Variants in NOTCH1 observed in about 807,000 individuals in gnomAD.
The protein encoded by NOTCH1 is neurogenic locus notch homolog protein 1.
Under a neutral mutation model 254.8 loss-of-function variants are expected in NOTCH1, and 37 were observed. The ratio of observed to expected loss-of-function variants is 0.15; its 90% CI spans 0.11 to 0.19. The LOEUF (loss-of-function observed/expected upper bound fraction) is 0.19, where lower values mean the gene tolerates loss of function less well. Among genes scored for constraint, NOTCH1 ranks in the 10% least tolerant of loss-of-function variants. The probability of loss-of-function intolerance (pLI) is 1.00; values close to 1 mark genes in which losing one functional copy is unlikely to be tolerated. For missense variants in NOTCH1, 2,972 were observed against 3,708.6 expected (o/e 0.80, Z 5.16); for synonymous variants, 1,731 against 1,618.1 (o/e 1.07, Z -1.68).
At chr9:136,525,416 G>A (rs941171680) in intron 2 of NOTCH1, among the ~76,000 whole-genome samples, 3 of 152,220 alleles carry the variant, frequency 2.0e-5, no homozygotes, top group Admixed American at 6.5e-5. Flanking sequence ...GGGACCCGCC[G>A]GGCGCCGCTC....
rs1245612765 is a variant in NOTCH1, at chr9:136,496,005, CCA to C, written c.*64_*65del. The C allele has an allele frequency of 2.6e-6, 4 of 1,533,820 alleles. No homozygotes were observed. Among genetic ancestry groups the C allele is most frequent in the African/African-American group, 1.3e-5 (1 of 74,260 alleles). ...AGGCTCCTCTGGTCGGCCCTGGCAT[CCA>C]CAGAGCGCACACAGACGCCCGAAGG... is the stretch of plus-strand genomic sequence containing the variant. On this transcript the variant is annotated 3_prime_UTR_variant, in exon 34 of 34. Coordinates refer to ENST00000651671, the MANE Select transcript of NOTCH1 (RefSeq NM_017617.5).
Position 136,513,892 on chromosome 9 carries a change from G to A in NOTCH1, c.2208-355C>T, listed in dbSNP as rs1252443210. Among the ~76,000 whole-genome samples the A allele has an allele frequency of 1.3e-5, 2 of 152,212 alleles. No individual in the cohort carries two copies. Among genetic ancestry groups the A allele is most frequent in the Non-Finnish European group, 2.9e-5 (2 of 68,022 alleles). ...TGAGGCAGGGGAATCACTTGAACCT[G>A]AGGGGTGGAGGTTGCAGTGAGCTGA... On this transcript the variant is annotated intron_variant, in intron 13 of 33. Coordinates refer to ENST00000651671, the MANE Select transcript of NOTCH1 (RefSeq NM_017617.5). This position sits in a 1 kb window ranked among gnomAD's most constrained non-coding sequence, Gnocchi z 4.7.
Position 136,505,790 on chromosome 9 carries a change from C to A in NOTCH1, c.4106G>T (p.Ser1369Ile). The A allele has an allele frequency of 6.3e-7, 1 of 1,582,348 alleles. No homozygotes were observed. ...GGGGCCCAGGCACAGGCAGGTGGGG[C>A]TGCGCGGGCCGGAGATGCATGTGCC... Reference protein sequence around the residue: ...NGGTCISGPRSPTCLCLGPFT... With the variant: ...NGGTCISGPRIPTCLCLGPFT... The change falls in exon 25 of 34, where the codon AGC becomes ATC. Residue 1369 changes from serine (S) to isoleucine (I), a missense_variant. By Grantham distance (142) the Ser-to-Ile change is moderately radical (BLOSUM62 -2). Transcript: ENST00000651671.
At position 136,545,619 on chromosome 9, in the gene NOTCH1, C is replaced by T. The variant is rs1390320661; in HGVS notation, c.61+107G>A. On this transcript the variant is annotated intron_variant, in intron 1 of 33. Coordinates refer to ENST00000651671, the MANE Select transcript of NOTCH1 (RefSeq NM_017617.5). This position sits in a 1 kb window ranked among gnomAD's most constrained non-coding sequence, Gnocchi z 6.8. ...GGCCGCCCGCTTTTCCCTCTCCATG[C>T]TGGCCTCCCCGCCGCCCGCTCCCAG... 3.3e-6 allele frequency: 3 copies of T among 917,768 alleles called. No individual in the cohort carries two copies. The highest frequency in any genetic ancestry group is 1.8e-5 in the African/African-American group (1 of 55,720). The allele number at this position is 917,768 out of a possible 1,614,324, so 56.9% of individuals were successfully genotyped here.
rs3124593 is a variant in NOTCH1, at chr9:136,498,723, A to G, written c.6180+176T>C. ...GGCTCCATAAACGGGGGCTGAAGGA[A>G]GGCAGGAGCACTAACGAGGTGCCCG... is the stretch of plus-strand genomic sequence containing the variant. On this transcript the variant is annotated intron_variant, in intron 33 of 33. Coordinates refer to ENST00000651671, the MANE Select transcript of NOTCH1 (RefSeq NM_017617.5). Among the ~76,000 whole-genome samples, 106,695 of 152,156 alleles carry G rather than the reference A, an allele frequency of 0.7. 39,187 individuals are homozygous for G. Among genetic ancestry groups the G allele is most frequent in the East Asian group, 0.95 (4,912 of 5,176 alleles).
Position 136,513,163 on chromosome 9 carries a change from G to A in NOTCH1, c.2354-29C>T, listed in dbSNP as rs1431241373. 6.3e-7 allele frequency: 1 copy of A among 1,577,066 alleles called. No individual in the cohort carries two copies. Among genetic ancestry groups the A allele is most frequent in the Admixed American group, 1.7e-5 (1 of 59,946 alleles). On this transcript the variant is annotated intron_variant, in intron 14 of 33. Coordinates refer to ENST00000651671, the MANE Select transcript of NOTCH1 (RefSeq NM_017617.5). The surrounding 1 kb of genome is among the most constrained non-coding windows in gnomAD (Gnocchi z 4.7). ...GAGGGAAGGGGACAGCACTCGGCAT[G>A]TCCAGCACTCCCAGGCACCTTGGCA...
intron 2 of NOTCH1, chr9:136,543,775 C>G (rs1843767739): frequency 1.6e-6 from 1 of 606,252 alleles, no homozygotes; most frequent in African/African-American, 1.8e-5. Context: ...ACTTAGTGAC[C>G]CCGGAGCCTG....
intron 29 of NOTCH1, 34 bp downstream of exon 29, chr9:136,501,967 G>GGGAGCCCA (rs1161239423): frequency 6.2e-7 from 1 of 1,611,576 alleles, no homozygotes. Flanking sequence ...GCAGGTGCCC[G>GGGAGCCCA]GGAGCCCAGG....
At chr9:136,535,561 T>G (rs11145772) in intron 2 of NOTCH1, among the ~76,000 whole-genome samples, 612 of 4,376 alleles carry the variant, frequency 0.14, 15 homozygotes, top group East Asian at 0.21. Context: ...AATGGGTGCA[T>G]GGTGGGTGGA....
Position 136,504,995 on chromosome 9 carries a change from G to A in NOTCH1, c.4696C>T (p.Pro1566Ser), listed in dbSNP as rs868811731. Residue 1566 changes from proline to serine, a missense_variant, in exon 26 of 34, where the codon CCC becomes TCC. Coordinates refer to ENST00000651671, the MANE Select transcript of NOTCH1 (RefSeq NM_017617.5). ...AGCGTGCCGGCCGCCAGCCTCTCGG[G>A]TACATGCTCCGCACAGTCCAGCCCG... ...WDGLDCAEHV[P>S]ERLAAGTLVV... 7 of 1,599,530 alleles carry A rather than the reference G, an allele frequency of 4.4e-6. No homozygotes were observed. Among genetic ancestry groups the A allele is most frequent in the Middle Eastern group, 1.6e-4 (1 of 6,072 alleles).
chr9:136,501,016 C>A (rs1842986869), intron 30 of NOTCH1, among the ~76,000 whole-genome samples, 169 bp from the exon 31 acceptor site: 1 of 152,232 alleles, frequency 6.6e-6, no homozygotes, highest in South Asian at 2.1e-4. Context: ...TCCGCCTGGG[C>A]TGCTCAGTGG....
At chr9:136,527,650 G>A (rs1843485802) in intron 2 of NOTCH1, among the ~76,000 whole-genome samples, 1 of 152,190 alleles carries the variant, frequency 6.6e-6, no homozygotes, top group African/African-American at 2.4e-5. Context: ...CAGCTCTCGG[G>A]CTCCCACGGA....
rs773621396 is a variant in NOTCH1 at position 136,498,989 on chromosome 9, G to A, written c.6090C>T (p.Ser2030=). The A allele has an allele frequency of 3.7e-5, 59 of 1,613,212 alleles. No homozygotes were observed. In the Middle Eastern group the frequency reaches 6.6e-4, roughly 18 times the overall value. ...DVNAVDDLGK[S]ALHWAAAVNN... ...TCACGGCGGCGGCCCAGTGCAGGGC[G>A]GACTTGCCTGCGTGAAAGAAGCAGA... Residue 2030 remains serine (S), a synonymous_variant, in exon 33 of 34, where the codon TCC becomes TCT. Transcript: ENST00000651671.
At chr9:136,543,690 A>T (rs929414395) in intron 2 of NOTCH1, 1 of 462,056 alleles carries the variant, frequency 2.2e-6, no homozygotes, top group African/African-American at 2.0e-5. Context: ...CCTCTCAGTA[A>T]ATGGTCCAGA....
At chr9:136,501,596 G>T (rs987445955) in intron 30 of NOTCH1, 152 bp downstream of exon 30, 1 of 934,768 alleles carries the variant, frequency 1.1e-6, no homozygotes, top group Non-Finnish European at 1.6e-6. Context: ...ACCCCCCCAC[G>T]TCTACTCTGA....
rs199672693 is a variant in NOTCH1, at chr9:136,513,129, T to G, written c.2359A>C (p.Asn787His). 84 of 1,612,612 alleles carry G rather than the reference T, an allele frequency of 5.2e-5. 1 individual carries two copies. In the South Asian group the frequency reaches 8.5e-4, roughly 16 times the overall value. The stretch of plus-strand genomic sequence containing the variant: ...CACTCGTTGATGTTGGTCTGGCAGT[T>G]GGGACCTGGAGGGAAGGGGACAGCA... ...CTCREGFSGP[N>H]CQTNINECAS... The change falls in exon 15 of 34, where the codon AAC becomes CAC. Residue 787 changes from asparagine to histidine, a missense_variant. By Grantham distance (68) the Asn-to-His change is moderately conservative. Around this residue, in one of 8 missense-constraint regions of NOTCH1, gnomAD observed 1,343 missense variants for 1,557.0 expected, o/e 0.86. Coordinates refer to ENST00000651671, the MANE Select transcript of NOTCH1 (RefSeq NM_017617.5). The surrounding 1 kb of genome is among the most constrained non-coding windows in gnomAD (Gnocchi z 4.7).
chr9:136,522,977 G>A lies in NOTCH1; in HGVS notation c.615C>T (p.Val205=). ...TGGGGCCAGTGTGGGTGGCGCGGCA[G>A]ACGCAGCGGTAGGAGCCGACCTCGT... The part of the protein sequence containing the change: ...CHNEVGSYRC[V]CRATHTGPNC... The change falls in exon 4 of 34, where the codon GTC becomes GTT. Residue 205 remains valine (V), a synonymous_variant. Transcript: ENST00000651671. The A allele has an allele frequency of 1.3e-6, 2 of 1,558,614 alleles. No homozygotes were observed. Among genetic ancestry groups the A allele is most frequent in the South Asian group, 1.2e-5 (1 of 84,846 alleles).
chr9:136,514,453 A>G (rs2133360124), intron 13 of NOTCH1, 57 bp downstream of exon 13: 1 of 1,522,420 alleles, frequency 6.6e-7, no homozygotes, highest in African/African-American at 1.4e-5. Context: ...CCCTCCTGGC[A>G]GCAGAGCTCC....
intron 2 of NOTCH1, among the ~76,000 whole-genome samples, chr9:136,528,395 G>A (rs1171151759): frequency 1.2e-3 from 130 of 104,890 alleles, no homozygotes; most frequent in Middle Eastern, 4.9e-3. Context: ...GGGACAGTGG[G>A]GGGGGATGGG....
Sources: allele counts gnomAD v4.1 joint callset (sites outside exome capture counted in the v4.1 genomes callset), GRCh38; gene constraint gnomAD v4.1.1; regional missense constraint gnomAD v4.1.1; non-coding constraint Gnocchi (gnomAD v3.1); transcripts MANE v1.5; gene names NCBI Gene and HGNC (gene_info 2026-07-23, HGNC 2026-07-21).